Variants in GPR158 observed in about 807,000 individuals in gnomAD.
The protein encoded by GPR158 is metabotropic glycine receptor.
A neutral mutation model predicts 78.2 loss-of-function variants in GPR158; 30 were observed. That is an observed-to-expected ratio of 0.38 (90% CI 0.29 to 0.52). GPR158 has a LOEUF of 0.52. Ranked by LOEUF, GPR158 falls within the 20% of genes least tolerant of loss-of-function variation. GPR158 has a pLI of 0.83. For synonymous variants in GPR158, 581 were observed against 591.1 expected (o/e 0.98, Z 0.25); for missense variants, 1,463 against 1,523.5 (o/e 0.96, Z 0.66).
chr10:25,251,442 C>G (rs1049668704), intron 2 of GPR158, among the ~76,000 whole-genome samples: 1 of 151,688 alleles, frequency 6.6e-6, no homozygotes, highest in Admixed American at 6.6e-5. Context: ...GAATTTGCAG[C>G]GGCTGGTACT....
intron 2 of GPR158, among the ~76,000 whole-genome samples, chr10:25,231,771 A>G (rs893162170): frequency 6.6e-6 from 1 of 152,224 alleles, no homozygotes; most frequent in Non-Finnish European, 1.5e-5. Flanking sequence ...CACAGGGATG[A>G]CAAGAGGATT....
intron 5 of GPR158, among the ~76,000 whole-genome samples, chr10:25,479,110 G>A (rs184523204): frequency 6.6e-6 from 1 of 151,956 alleles, no homozygotes; most frequent in East Asian, 1.9e-4. Context: ...AAACATACAT[G>A]TGCATGTGTC....
At chr10:25,564,974 C>A (rs1836909409) in intron 6 of GPR158, among the ~76,000 whole-genome samples, 1 of 152,078 alleles carries the variant, frequency 6.6e-6, no homozygotes, top group African/African-American at 2.4e-5. Flanking sequence ...AACATGAAAA[C>A]AGGTAGATAA....
intron 2 of GPR158, among the ~76,000 whole-genome samples, chr10:25,338,514 A>ATTAT (rs1207483213): frequency 7.5e-5 from 9 of 120,054 alleles, no homozygotes; most frequent in South Asian, 2.6e-4. Flanking sequence ...TATTACGTAT[A>ATTAT]ATATACGTAT....
intron 6 of GPR158, among the ~76,000 whole-genome samples, chr10:25,565,636 C>T (rs1284210345): frequency 6.6e-6 from 1 of 152,152 alleles, no homozygotes; most frequent in Non-Finnish European, 1.5e-5. Flanking sequence ...GATGATTTTG[C>T]TACTGACTGT....
At chr10:25,328,703 G>A (rs1055103028) in intron 2 of GPR158, among the ~76,000 whole-genome samples, 1 of 151,916 alleles carries the variant, frequency 6.6e-6, no homozygotes, top group Non-Finnish European at 1.5e-5. Context: ...AAGGCAGGTG[G>A]ATCACCTGAG....
chr10:25,495,201 C>T (rs576294603), intron 5 of GPR158, among the ~76,000 whole-genome samples: 4 of 149,856 alleles, frequency 2.7e-5, no homozygotes, highest in South Asian at 2.1e-4. Flanking sequence ...TTCAGTTTAC[C>T]GAAGTTTATT....
chr10:25,595,555 A>T (rs1335476110), intron 9 of GPR158, among the ~76,000 whole-genome samples: 7 of 152,218 alleles, frequency 4.6e-5, no homozygotes, highest in Non-Finnish European at 7.3e-5. Flanking sequence ...CATACGATGG[A>T]TTATTATTTG....
chr10:25,355,650 G>C (rs1855540791), intron 2 of GPR158, among the ~76,000 whole-genome samples: 1 of 151,930 alleles, frequency 6.6e-6, no homozygotes. Flanking sequence ...GGTTTTTATT[G>C]GATCTGTTTG....
intron 3 of GPR158, among the ~76,000 whole-genome samples, chr10:25,397,471 T>C (rs1834378353): frequency 6.6e-6 from 1 of 152,184 alleles, no homozygotes; most frequent in Non-Finnish European, 1.5e-5. Flanking sequence ...ATTATCTGTG[T>C]AGGAATTTGG....
intron 2 of GPR158, among the ~76,000 whole-genome samples, chr10:25,249,650 C>T (rs1474592293): frequency 2.6e-5 from 4 of 151,078 alleles, no homozygotes; most frequent in East Asian, 1.9e-4. Flanking sequence ...CCTTGCATCC[C>T]AGGGATGAAG....
At chr10:25,452,413 A>C (rs1250527970) in intron 4 of GPR158, among the ~76,000 whole-genome samples, 2 of 152,198 alleles carry the variant, frequency 1.3e-5, no homozygotes, top group African/African-American at 4.8e-5. Flanking sequence ...AAATGTAGCC[A>C]AAAAAGAAAC....
intron 1 of GPR158, among the ~76,000 whole-genome samples, chr10:25,178,615 C>A (rs1246273605): frequency 1.3e-5 from 2 of 152,170 alleles, no homozygotes; most frequent in Non-Finnish European, 2.9e-5. Context: ...TATTCTTCAG[C>A]CAAGGCACAC....
intron 4 of GPR158, among the ~76,000 whole-genome samples, chr10:25,434,609 T>TA (rs1834972186): frequency 2.6e-5 from 4 of 152,350 alleles, no homozygotes; most frequent in Middle Eastern, 3.4e-3. Flanking sequence ...ATGATGTTGA[T>TA]ACTTGTTTGC....
Position 25,405,498 on chromosome 10 carries a change from C to CTTTTTTTTTT in GPR158, c.1112-6731_1112-6722dup, listed in dbSNP as rs59695469. ...AAAATCTGACAAGAGAAACAATTTCCTTTTTTTTTTTTTTTTTTTTTTTTT... is the reference window on the plus strand; with the variant it reads ...AAAATCTGACAAGAGAAACAATTTCCTTTTTTTTTTTTTTTTTTTTTTTTTTTTTTTTTTT... On this transcript the variant is annotated intron_variant, in intron 3 of 10. Coordinates refer to ENST00000376351, the MANE Select transcript of GPR158 (RefSeq NM_020752.3). Among the ~76,000 whole-genome samples the CTTTTTTTTTT allele has an allele frequency of 1.5e-4, 7 of 45,530 alleles. 1 individual carries two copies. The highest frequency in any genetic ancestry group is 2.2e-4 in the African/African-American group (3 of 13,524). 29.9% of individuals were successfully genotyped at this position (45,530 alleles called of 152,430 possible).
chr10:25,467,287 C>T (rs368534325), intron 5 of GPR158, among the ~76,000 whole-genome samples: 1 of 152,164 alleles, frequency 6.6e-6, no homozygotes, highest in African/African-American at 2.4e-5. Flanking sequence ...TTTGAAGTCT[C>T]ATAGTGGCTG....
chr10:25,398,821 T>G (rs963621817), intron 3 of GPR158, among the ~76,000 whole-genome samples: 1 of 152,148 alleles, frequency 6.6e-6, no homozygotes, highest in Non-Finnish European at 1.5e-5. Flanking sequence ...CAGCACATAC[T>G]TAGCCAAGAC....
intron 4 of GPR158, among the ~76,000 whole-genome samples, chr10:25,433,687 T>C (rs1834952971): frequency 1.2e-5 from 1 of 81,986 alleles, no homozygotes; most frequent in Non-Finnish European, 3.1e-5. Context: ...TCTTTCTTTC[T>C]TTCTTTCTTT....
At chr10:25,354,057 TAA>T (rs915501019) in intron 2 of GPR158, among the ~76,000 whole-genome samples, 67 of 152,142 alleles carry the variant, frequency 4.4e-4, no homozygotes, top group African/African-American at 1.6e-3. Flanking sequence ...CTTATAGATT[TAA>T]AAAGTTATTA....
Sources: gnomAD v4.1 joint callset for allele counts (sites outside exome capture counted in the v4.1 genomes callset) on GRCh38, gnomAD v4.1.1 for gene constraint, MANE v1.5 for transcripts, NCBI Gene and HGNC (gene_info 2026-07-23, HGNC 2026-07-21) for gene names.